Variants in ACVR1C observed in about 807,000 individuals in gnomAD.
ACVR1C encodes activin A receptor type 1C.
Under a neutral mutation model 57.9 loss-of-function variants are expected in ACVR1C, and 23 were observed. That is an observed-to-expected ratio of 0.40 (90% CI 0.29 to 0.56). The LOEUF is 0.56. ACVR1C is among the 20% of genes least tolerant of loss of function. ACVR1C has a pLI of 0.50. For missense variants in ACVR1C, 480 were observed against 607.9 expected, an observed-to-expected ratio of 0.79 and a Z score of 2.21; for synonymous variants, 214 against 215.3, an observed-to-expected ratio of 0.99 and a Z score of 0.05.
intron 2 of ACVR1C, among the ~76,000 whole-genome samples, chr2:157,572,798 T>A (rs1437515618): frequency 6.6e-6 from 1 of 152,102 alleles, no homozygotes; most frequent in African/African-American, 2.4e-5. Context: ...ACAATAAAAA[T>A]CATAGCACCT....
intron 1 of ACVR1C, among the ~76,000 whole-genome samples, chr2:157,594,003 C>T (rs185361700): frequency 1.9e-4 from 29 of 152,260 alleles, no homozygotes; most frequent in Non-Finnish European, 2.5e-4. Context: ...GTAGCAATTA[C>T]GTTCCCTGTT....
chr2:157,552,095 C>G (rs1413101231), intron 3 of ACVR1C, among the ~76,000 whole-genome samples: 1 of 152,154 alleles, frequency 6.6e-6, no homozygotes, highest in African/African-American at 2.4e-5. Flanking sequence ...TGTCTAGAAG[C>G]AAACTATAAG....
In ACVR1C at chr2:157,546,949, C is replaced by G. The variant is rs182678436; in HGVS notation, c.776-2337G>C. 7.0e-3 allele frequency among the ~76,000 whole-genome samples: 1,060 copies of G among 150,704 alleles called. 10 individuals carry two copies. Among genetic ancestry groups the G allele is most frequent in the African/African-American group, 0.024 (990 of 40,922 alleles). ...GTCATCTAGCATTAGGTATATCTCC[C>G]GATGCTATCCCTCTCCCCTCCCCCC... is the stretch of plus-strand genomic sequence containing the variant. On this transcript the variant is annotated intron_variant, in intron 4 of 8. Transcript: ENST00000243349.
chr2:157,554,696 T>C lies in ACVR1C; in HGVS notation c.544+1397A>G, dbSNP rs181094358. 7.2e-5 allele frequency among the ~76,000 whole-genome samples: 11 copies of C among 152,332 alleles called. 1 individual carries two copies. Among genetic ancestry groups the C allele is most frequent in the African/African-American group, 2.2e-4 (9 of 41,572 alleles). On this transcript the variant is annotated intron_variant, in intron 3 of 8. Coordinates refer to ENST00000243349, the MANE Select transcript of ACVR1C (RefSeq NM_145259.3). Reference sequence around the variant, plus strand: ...GCTTCATGCTAAATATGGATGCACATAGAGATGTTATCAGCCCTCTGTTGC... The same window carrying C: ...GCTTCATGCTAAATATGGATGCACACAGAGATGTTATCAGCCCTCTGTTGC...
At position 157,628,584 on chromosome 2, in the gene ACVR1C, C is replaced by T. The variant is rs1310904665; in HGVS notation, c.61G>A (p.Glu21Lys). The T allele has an allele frequency of 1.9e-6, 3 of 1,607,330 alleles. No individual in the cohort carries two copies. The highest frequency in any genetic ancestry group is 2.5e-6 in the Non-Finnish European group (3 of 1,177,578). The change falls in exon 1 of 9, where the codon GAG (glutamate) becomes AAG (lysine). Residue 21 changes from glutamate to lysine, a missense_variant. Transcript: ENST00000243349. Reference sequence around the variant, plus strand: ...ACCAGCACCGTACCTGGCGAGAGCTCGGCGGCCGCTGCGAGCAGCAGGAGA... The same window carrying T: ...ACCAGCACCGTACCTGGCGAGAGCTTGGCGGCCGCTGCGAGCAGCAGGAGA... ...QALLLLAAAAELSPGLKCVCL... is the reference protein window; with the variant it reads ...QALLLLAAAAKLSPGLKCVCL...
At chr2:157,618,997 CAG>C (rs1169270909) in intron 1 of ACVR1C, among the ~76,000 whole-genome samples, 3 of 151,762 alleles carry the variant, frequency 2.0e-5, no homozygotes, top group South Asian at 2.1e-4. Context: ...AACAAGAAGA[CAG>C]AGAATCAGTA....
chr2:157,559,649 G>A (rs1688190763), intron 2 of ACVR1C, among the ~76,000 whole-genome samples: 2 of 152,126 alleles, frequency 1.3e-5, no homozygotes, highest in South Asian at 4.1e-4. Context: ...GGGGGGACAC[G>A]TTAAATCCCA....
chr2:157,580,636 C>T (rs796667122), intron 2 of ACVR1C, among the ~76,000 whole-genome samples: 33 of 151,782 alleles, frequency 2.2e-4, no homozygotes, highest in African/African-American at 7.5e-4. Context: ...AAAGCTGGTG[C>T]GAAAATAAAT....
At chr2:157,534,819 G>A (rs745647410) in intron 8 of ACVR1C, among the ~76,000 whole-genome samples, 105 of 152,152 alleles carry the variant, frequency 6.9e-4, no homozygotes, top group African/African-American at 2.2e-3. Flanking sequence ...CTGATGGATC[G>A]CATGTAATAG....
intron 2 of ACVR1C, among the ~76,000 whole-genome samples, chr2:157,559,825 G>C (rs1317864225): frequency 6.6e-6 from 1 of 151,664 alleles, no homozygotes; most frequent in African/African-American, 2.4e-5. Flanking sequence ...GTTAAACTGA[G>C]AAAATGCAAG....
intron 1 of ACVR1C, among the ~76,000 whole-genome samples, chr2:157,603,675 TAAGAG>T (rs1485312910): frequency 6.6e-6 from 1 of 152,120 alleles, no homozygotes; most frequent in Non-Finnish European, 1.5e-5. Context: ...TTTCCTTTGC[TAAGAG>T]AAGAAATCAC....
At chr2:157,550,739 A>AC (rs903070214) in intron 3 of ACVR1C, among the ~76,000 whole-genome samples, 1 of 151,846 alleles carries the variant, frequency 6.6e-6, no homozygotes, top group African/African-American at 2.4e-5. Context: ...AAAAGCAAAA[A>AC]AAAAAAAAAG....
rs956787752 is a variant in ACVR1C at position 157,527,141 on chromosome 2, A to G, written c.*6777T>C. The G allele has an allele frequency of 1.3e-5, 2 of 151,646 alleles. No individual in the cohort carries two copies. The highest frequency in any genetic ancestry group is 2.9e-5 in the Non-Finnish European group (2 of 68,022). The allele number at this position is 151,646 out of a possible 1,614,324, so 9.4% of individuals were successfully genotyped here. ...CTAGAAATTAATGAAACATCTGAATATCATTCATTTCTCTTTGGAGTTTGA... is the reference window on the plus strand; with the variant it reads ...CTAGAAATTAATGAAACATCTGAATGTCATTCATTTCTCTTTGGAGTTTGA... On this transcript the variant is annotated 3_prime_UTR_variant, in exon 9 of 9. Coordinates refer to ENST00000243349, the MANE Select transcript of ACVR1C (RefSeq NM_145259.3).
chr2:157,551,732 T>G (rs967009485), intron 3 of ACVR1C, among the ~76,000 whole-genome samples: 3 of 152,238 alleles, frequency 2.0e-5, no homozygotes, highest in African/African-American at 7.2e-5. Context: ...AAGTCACATT[T>G]AGTTACTGTT....
chr2:157,566,441 C>G (rs187371821), intron 2 of ACVR1C, among the ~76,000 whole-genome samples: 62 of 152,344 alleles, frequency 4.1e-4, no homozygotes, highest in Admixed American at 3.9e-3. Context: ...GCATTTCCAT[C>G]TGAGGTACCG....
At chr2:157,587,102 A>T in intron 2 of ACVR1C, 85 bp downstream of exon 2, 1 of 1,209,094 alleles carries the variant, frequency 8.3e-7, no homozygotes, top group South Asian at 1.5e-5. Flanking sequence ...TATTTAAAGA[A>T]ACATAAGACA....
chr2:157,613,903 G>A (rs1682588597), intron 1 of ACVR1C, among the ~76,000 whole-genome samples: 1 of 152,102 alleles, frequency 6.6e-6, no homozygotes. Flanking sequence ...CCCTCCACTT[G>A]CACATTCTGG....
At position 157,550,321 on chromosome 2, in the gene ACVR1C, A is replaced by G; in HGVS notation, c.616T>C (p.Phe206Leu). ...VLQEIVGKGRFGEVWHGRWCG... is the reference protein window; with the variant it reads ...VLQEIVGKGRLGEVWHGRWCG... ...CATCTTCCATGCCACACCTCACCAA[A>G]TCTACCTTTTCCTACTATTTCCTGA... The change falls in exon 4 of 9, where the codon TTT becomes CTT. Residue 206 changes from phenylalanine to leucine, a missense_variant. By Grantham distance (22) the Phe-to-Leu change is conservative. Coordinates refer to ENST00000243349, the MANE Select transcript of ACVR1C (RefSeq NM_145259.3). The G allele has an allele frequency of 1.2e-6, 2 of 1,614,080 alleles. No individual in the cohort carries two copies. Among genetic ancestry groups the G allele is most frequent in the Non-Finnish European group, 1.7e-6 (2 of 1,180,006 alleles).
chr2:157,556,320 G>A lies in ACVR1C; in HGVS notation c.317C>T (p.Ala106Val), dbSNP rs1310076966. The change falls in exon 3 of 9, where the codon GCC (alanine) becomes GTC (valine). Residue 106 changes from alanine to valine, a missense_variant. Ala to Val is a moderately conservative substitution (Grantham distance 64, BLOSUM62 0). Coordinates refer to ENST00000243349, the MANE Select transcript of ACVR1C (RefSeq NM_145259.3). ...TLHLPTASPNAPKLGPMELAI... is the reference protein window; with the variant it reads ...TLHLPTASPNVPKLGPMELAI... ...CAGCTCCATGGGTCCAAGTTTTGGGGCATTTGGTGATGCTACAGTTTAAAG... is the reference window on the plus strand; with the variant it reads ...CAGCTCCATGGGTCCAAGTTTTGGGACATTTGGTGATGCTACAGTTTAAAG... 1 of 1,613,890 alleles carries A rather than the reference G, an allele frequency of 6.2e-7. No individual in the cohort carries two copies. Among genetic ancestry groups the A allele is most frequent in the African/African-American group, 1.3e-5 (1 of 74,914 alleles).
Sources: allele counts gnomAD v4.1 joint callset (sites outside exome capture counted in the v4.1 genomes callset), GRCh38; gene constraint gnomAD v4.1.1; transcripts MANE v1.5; gene names NCBI Gene and HGNC (gene_info 2026-07-23, HGNC 2026-07-21).